The following CAVIN4 variants were observed in gnomAD, a reference collection of about 807,000 sequenced individuals.
CAVIN4 encodes the protein caveolae-associated protein 4.
In CAVIN4, 10 loss-of-function variants were observed where a neutral mutation model predicts 18.6. The observed-to-expected ratio is 0.54, with a 90% CI of 0.33 to 0.91. The LOEUF is 0.91. Ranked by LOEUF, CAVIN4 falls within the 40% of genes least tolerant of loss-of-function variation. CAVIN4 has a pLI of 0.02. For missense variants in CAVIN4, 459 were observed against 440.5 expected, an observed-to-expected ratio of 1.04 and a Z score of -0.38; for synonymous variants, 173 against 164.8, an observed-to-expected ratio of 1.05 and a Z score of -0.38.
chr9:100,580,304 T>C (rs1839414645), intron 1 of CAVIN4, among the ~76,000 whole-genome samples: 1 of 151,766 alleles, frequency 6.6e-6, no homozygotes, highest in African/African-American at 2.4e-5. Flanking sequence ...GAAAAAAAAT[T>C]GAAAAATTGA....
intron 1 of CAVIN4, 120 bp downstream of exon 1, chr9:100,578,671 A>C: frequency 2.2e-6 from 2 of 928,760 alleles, no homozygotes. Context: ...AATACAATGG[A>C]GTTCTGTATT....
At chr9:100,580,406 AAG>A (rs902240025) in intron 1 of CAVIN4, among the ~76,000 whole-genome samples, 89 of 152,348 alleles carry the variant, frequency 5.8e-4, no homozygotes, top group African/African-American at 2.0e-3. Context: ...TTGCCTTCTG[AAG>A]ATGTTCAGAA....
At chr9:100,581,336 A>T (rs1405466202) in intron 1 of CAVIN4, 2 of 152,406 alleles carry the variant, frequency 1.3e-5, no homozygotes, top group African/African-American at 2.4e-5. Flanking sequence ...CAACCCTGGC[A>T]ATCAGTGGGT....
intron 1 of CAVIN4, among the ~76,000 whole-genome samples, chr9:100,580,874 C>T (rs1310341078): frequency 6.6e-6 from 1 of 152,152 alleles, no homozygotes; most frequent in Non-Finnish European, 1.5e-5. Flanking sequence ...TTCAAAGATT[C>T]ATTAGATGTT....
chr9:100,578,360 T>C lies in CAVIN4; in HGVS notation c.217T>C (p.Leu73=), dbSNP rs543566298. The C allele has an allele frequency of 8.1e-6, 13 of 1,614,114 alleles. No individual in the cohort carries two copies. In the South Asian group the frequency reaches 1.3e-4, roughly 16 times the overall value. Residue 73 remains leucine (L), a synonymous_variant, in exon 1 of 2, where the codon TTG becomes CTG. Transcript: ENST00000307584. ...NAIKSVQIDL[L]KLSQSHSNTG... ...CATAAAATCCGTCCAGATTGACCTG[T>C]TGAAGCTTTCACAGTCGCATAGCAA... is the stretch of plus-strand genomic sequence containing the variant.
chr9:100,582,029 C>G (rs1048587377), intron 1 of CAVIN4, among the ~76,000 whole-genome samples: 4 of 152,114 alleles, frequency 2.6e-5, no homozygotes, highest in Non-Finnish European at 4.4e-5. Context: ...TCTTGACTAT[C>G]AGGCTGATAG....
rs932861884 is a variant in CAVIN4 at position 100,587,316 on chromosome 9, C to T, written c.*865C>T. ...CCCCAGCCAGACCCTTTCTAATTTC[C>T]TTTTGATTAAGATCTTTGGTGGACT... On this transcript the variant is annotated 3_prime_UTR_variant, in exon 2 of 2. Transcript: ENST00000307584. 17 of 152,106 alleles carry T rather than the reference C, an allele frequency of 1.1e-4. No homozygotes were observed. Among genetic ancestry groups the T allele is most frequent in the African/African-American group, 3.4e-4 (14 of 41,412 alleles). 9.4% of individuals were successfully genotyped at this position (152,106 alleles called of 1,614,324 possible). A position where few individuals can be genotyped will look rare whatever the true frequency, so the allele number is the denominator to read the frequency against.
chr9:100,582,392 C>G (rs1839438431), intron 1 of CAVIN4, among the ~76,000 whole-genome samples: 1 of 152,116 alleles, frequency 6.6e-6, no homozygotes, highest in Non-Finnish European at 1.5e-5. Flanking sequence ...GTTGCCCAGG[C>G]TAGAGTTCTA....
chr9:100,578,087 G>A lies in CAVIN4; in HGVS notation c.-57G>A, dbSNP rs1226590. On this transcript the variant is annotated 5_prime_UTR_variant, in exon 1 of 2. Transcript: ENST00000307584. ...TTGCCTGTTATCAAGCTGACTTTTT[G>A]CTCCAAGTGCCAGAATTGATTGTGG... 633,699 of 1,589,798 alleles carry A rather than the reference G, an allele frequency of 0.4. 130,540 individuals carry two copies. The highest frequency in any genetic ancestry group is 0.5 in the Admixed American group (29,781 of 59,652).
intron 1 of CAVIN4, among the ~76,000 whole-genome samples, chr9:100,583,652 CATTCA>C (rs1159852858): frequency 9.7e-6 from 1 of 103,098 alleles, no homozygotes. Context: ...TTCATTCATT[CATTCA>C]TTTTTTTTAG....
At position 100,586,050 on chromosome 9, in the gene CAVIN4, G is replaced by C; in HGVS notation, c.694G>C (p.Glu232Gln). The C allele has an allele frequency of 6.2e-7, 1 of 1,603,324 alleles. No individual in the cohort carries two copies. Among genetic ancestry groups the C allele is most frequent in the Middle Eastern group, 1.7e-4 (1 of 6,056 alleles). ...TAGAATAGTGACCCCGGAGAGGAGA[G>C]AGAGGCTAAGGCAGTCAGGAGAGAG... ...RTRIVTPERR[E>Q]RLRQSGERLR... The change falls in exon 2 of 2, where the codon GAG becomes CAG. Residue 232 changes from glutamate to glutamine, a missense_variant. By Grantham distance (29) the Glu-to-Gln change is conservative. Transcript: ENST00000307584.
intron 1 of CAVIN4, among the ~76,000 whole-genome samples, chr9:100,583,070 C>A (rs1281788744): frequency 4.6e-5 from 7 of 152,164 alleles, no homozygotes; most frequent in Non-Finnish European, 8.8e-5. Context: ...TAAAACAGAG[C>A]ATAGACCCAT....
At chr9:100,577,296 A>G (rs1350780528), upstream of CAVIN4, 1 of 152,666 alleles carries the variant, frequency 6.6e-6, no homozygotes, top group Non-Finnish European at 1.5e-5. Flanking sequence ...CTACTTTAAT[A>G]CACATTCATT....
At chr9:100,581,918 C>T (rs1021473296) in intron 1 of CAVIN4, among the ~76,000 whole-genome samples, 12 of 152,258 alleles carry the variant, frequency 7.9e-5, no homozygotes, top group East Asian at 5.8e-4. Context: ...AGCTATGAGA[C>T]GCCCACCCCT....
chr9:100,578,740 G>A (rs768824571), intron 1 of CAVIN4, among the ~76,000 whole-genome samples, 189 bp downstream of exon 1: 2 of 152,208 alleles, frequency 1.3e-5, no homozygotes, highest in African/African-American at 2.4e-5. Flanking sequence ...CTGTCATTTC[G>A]GTATTTTGAG....
At chr9:100,577,511 T>G (rs1235563307), upstream of CAVIN4, 1 of 152,514 alleles carries the variant, frequency 6.6e-6, no homozygotes, top group Non-Finnish European at 1.5e-5. Context: ...TAGAATGTAT[T>G]CAGCTGTTTA....
intron 1 of CAVIN4, chr9:100,581,494 T>C (rs1276861841): frequency 1.3e-5 from 2 of 152,246 alleles, no homozygotes; most frequent in Non-Finnish European, 2.9e-5. Flanking sequence ...GATACAATTA[T>C]ATTTGGAAGT....
Position 100,578,329 on chromosome 9 carries a change from A to C in CAVIN4, c.186A>C (p.Glu62Asp). The C allele has an allele frequency of 6.2e-7, 1 of 1,614,136 alleles. No homozygotes were observed. Among genetic ancestry groups the C allele is most frequent in the Admixed American group, 1.7e-5 (1 of 60,006 alleles). Residue 62 changes from glutamate (E) to aspartate (D), a missense_variant, in exon 1 of 2, where the codon GAA (glutamate) becomes GAC (aspartate). Glu to Asp is a conservative substitution (Grantham distance 45). Coordinates refer to ENST00000307584, the MANE Select transcript of CAVIN4 (RefSeq NM_001018116.2). ...TAGAAGAGAGACACAGGGAAATGGA[A>C]AATGCCATAAAATCCGTCCAGATTG... The part of the protein sequence containing the change: ...KRIEERHREM[E>D]NAIKSVQIDL...
At chr9:100,585,152 G>T (rs753080004) in intron 1 of CAVIN4, among the ~76,000 whole-genome samples, 1 of 152,172 alleles carries the variant, frequency 6.6e-6, no homozygotes, top group Non-Finnish European at 1.5e-5. Context: ...GAGGCATTGC[G>T]CAAGTTCAGG....
Sources: allele counts gnomAD v4.1 joint callset (sites outside exome capture counted in the v4.1 genomes callset), GRCh38; gene constraint gnomAD v4.1.1; transcripts MANE v1.5; gene names NCBI Gene and HGNC (gene_info 2026-07-23, HGNC 2026-07-21).